Variants in CBFB observed in about 807,000 individuals in gnomAD.
CBFB encodes CBF-beta.
A neutral mutation model predicts 30.4 loss-of-function variants in CBFB; 9 were observed. The observed-to-expected ratio is 0.30, with a 90% CI of 0.18 to 0.52. The LOEUF (loss-of-function observed/expected upper bound fraction) is 0.52, where lower values mean the gene tolerates loss of function less well. Ranked by LOEUF, CBFB falls within the 20% of genes least tolerant of loss-of-function variation. CBFB has a pLI of 0.97. For missense variants in CBFB, 170 were observed against 244.0 expected, an observed-to-expected ratio of 0.70 and a Z score of 2.02; for synonymous variants, 94 against 84.0, an observed-to-expected ratio of 1.12 and a Z score of -0.65.
chr16:67,030,315 C>T (rs115088567), intron 2 of CBFB: 5,546 of 153,746 alleles, frequency 0.036, 150 homozygotes, highest in South Asian at 0.077. Context: ...GGGAAAAGGC[C>T]CTAAAAATGT....
chr16:67,052,468 G>A (rs922605605), intron 3 of CBFB, among the ~76,000 whole-genome samples: 1 of 151,818 alleles, frequency 6.6e-6, no homozygotes, highest in Non-Finnish European at 1.5e-5. Context: ...CCTAGCTCCT[G>A]GAGAGGCTGA....
intron 3 of CBFB, among the ~76,000 whole-genome samples, chr16:67,041,663 C>T (rs1187054628): frequency 1.3e-5 from 2 of 151,398 alleles, no homozygotes; most frequent in Non-Finnish European, 2.9e-5. Context: ...GGGTTACTGT[C>T]ATCGGGATGG....
At chr16:67,077,097 T>C (rs1169790723) in intron 4 of CBFB, among the ~76,000 whole-genome samples, 1 of 152,228 alleles carries the variant, frequency 6.6e-6, no homozygotes, top group Non-Finnish European at 1.5e-5. Context: ...TCAATGAGAA[T>C]GTTATTTTCT....
At chr16:67,097,103 C>T (rs2145789056) in intron 5 of CBFB, among the ~76,000 whole-genome samples, 2 of 152,052 alleles carry the variant, frequency 1.3e-5, no homozygotes, top group Middle Eastern at 3.4e-3. Flanking sequence ...GGTGTGGTGG[C>T]GTGTGCCTGT....
intron 3 of CBFB, among the ~76,000 whole-genome samples, chr16:67,053,267 T>C (rs1327861294): frequency 6.7e-6 from 1 of 148,562 alleles, no homozygotes; most frequent in Admixed American, 6.7e-5. Context: ...TTTTTTTTTT[T>C]TTGGTGAGAG....
At chr16:67,041,805 C>T (rs1436025911) in intron 3 of CBFB, among the ~76,000 whole-genome samples, 13 of 140,490 alleles carry the variant, frequency 9.3e-5, no homozygotes, top group African/African-American at 3.3e-4. Flanking sequence ...GAGAGGGTCT[C>T]ACTCTGTCAC....
intron 3 of CBFB, among the ~76,000 whole-genome samples, chr16:67,062,264 G>A (rs1258372784): frequency 6.7e-6 from 1 of 149,948 alleles, no homozygotes; most frequent in East Asian, 2.1e-4. Flanking sequence ...CATCTCCCGG[G>A]TTCAAATGAT....
At chr16:67,066,262 G>A (rs932598930) in intron 3 of CBFB, among the ~76,000 whole-genome samples, 3 of 151,704 alleles carry the variant, frequency 2.0e-5, no homozygotes, top group African/African-American at 7.3e-5. Flanking sequence ...AAATCAAAGT[G>A]TCTGGCCGGG....
At chr16:67,059,200 C>T (rs1278213300) in intron 3 of CBFB, among the ~76,000 whole-genome samples, 1 of 152,206 alleles carries the variant, frequency 6.6e-6, no homozygotes, top group African/African-American at 2.4e-5. Context: ...TAAGTACCTT[C>T]CAGACCCTCA....
At chr16:67,036,560 G>C in intron 2 of CBFB, 79 bp from the exon 3 acceptor site, 1 of 810,026 alleles carries the variant, frequency 1.2e-6, no homozygotes, top group Non-Finnish European at 2.2e-6. Context: ...GACATAAACT[G>C]ATGTAAAAAT....
chr16:67,067,141 G>A (rs191324470), intron 4 of CBFB, among the ~76,000 whole-genome samples: 6 of 151,776 alleles, frequency 4.0e-5, no homozygotes, highest in Admixed American at 3.9e-4. Context: ...CCGTGCTTTT[G>A]GAATGCTTGA....
At chr16:67,098,441 AT>A (rs1251457191) in intron 5 of CBFB, among the ~76,000 whole-genome samples, 1 of 152,032 alleles carries the variant, frequency 6.6e-6, no homozygotes, top group Non-Finnish European at 1.5e-5. Context: ...CCAGTGCTAG[AT>A]TTGTTGTTAT....
At chr16:67,047,218 A>C (rs767910705) in intron 3 of CBFB, among the ~76,000 whole-genome samples, 3 of 152,044 alleles carry the variant, frequency 2.0e-5, no homozygotes, top group Non-Finnish European at 4.4e-5. Flanking sequence ...GCAACACAGC[A>C]AGACTCTGTC....
In CBFB at chr16:67,053,561, T is replaced by C. The variant is rs554952997; in HGVS notation, c.283-13121T>C. 1.1e-4 allele frequency among the ~76,000 whole-genome samples: 17 copies of C among 152,096 alleles called. No individual in the cohort carries two copies. The South Asian group carries it at 1.9e-3, about 17-fold the overall frequency. On this transcript the variant is annotated intron_variant, in intron 3 of 5. Coordinates refer to ENST00000412916, the MANE Select transcript of CBFB (RefSeq NM_022845.3). ...TGAGCCACCGCACCCAGCCTTCTAA[T>C]GTCACTTTCAGATGCAGCTCCTAGA...
At chr16:67,081,196 C>T (rs950300813) in intron 4 of CBFB, among the ~76,000 whole-genome samples, 7 of 138,216 alleles carry the variant, frequency 5.1e-5, no homozygotes, top group African/African-American at 1.9e-4. Flanking sequence ...TCTCATTGTT[C>T]AATTCCCACC....
chr16:67,077,399 C>CT (rs2145764775), intron 4 of CBFB, among the ~76,000 whole-genome samples: 1 of 152,264 alleles, frequency 6.6e-6, no homozygotes, highest in Non-Finnish European at 1.5e-5. Flanking sequence ...AACAGCTTTA[C>CT]TTTTTACATA....
intron 5 of CBFB, among the ~76,000 whole-genome samples, chr16:67,090,035 T>C (rs1169719599): frequency 6.6e-6 from 1 of 152,238 alleles, no homozygotes; most frequent in African/African-American, 2.4e-5. Context: ...TTTTAGATTC[T>C]GGTGTTTTTT....
intron 4 of CBFB, among the ~76,000 whole-genome samples, chr16:67,071,099 A>G (rs1961212154): frequency 6.6e-6 from 1 of 152,120 alleles, no homozygotes; most frequent in African/African-American, 2.4e-5. Flanking sequence ...GACTCCAACT[A>G]TTTAGGCAGC....
intron 2 of CBFB, among the ~76,000 whole-genome samples, chr16:67,032,057 G>GC (rs1448150316): frequency 6.6e-6 from 1 of 152,146 alleles, no homozygotes; most frequent in African/African-American, 2.4e-5. Flanking sequence ...GTGAATCATA[G>GC]CTAGTAGGGT....
Sources: gnomAD v4.1 joint callset for allele counts (sites outside exome capture counted in the v4.1 genomes callset) on GRCh38, gnomAD v4.1.1 for gene constraint, MANE v1.5 for transcripts, NCBI Gene and HGNC (gene_info 2026-07-23, HGNC 2026-07-21) for gene names.